The following DCLK2 variants were observed in gnomAD, a reference collection of about 807,000 sequenced individuals.
DCLK2 encodes doublecortin like kinase 2, also known as serine/threonine-protein kinase DCLK2.
In DCLK2, 31 loss-of-function variants were observed where a neutral mutation model predicts 78.4. The observed-to-expected ratio is 0.40, with a 90% confidence interval of 0.30 to 0.53. The LOEUF (loss-of-function observed/expected upper bound fraction) is 0.53. Ranked by LOEUF, DCLK2 falls within the 20% of genes least tolerant of loss-of-function variation. DCLK2 has a pLI of 0.61. For synonymous variants in DCLK2, 407 were observed against 374.9 expected, an observed-to-expected ratio of 1.09 and a Z score of -0.99; for missense variants, 872 against 973.7, an observed-to-expected ratio of 0.90 and a Z score of 1.39.
chr4:150,226,566 G>T (rs567638440), intron 8 of DCLK2, among the ~76,000 whole-genome samples: 1 of 151,860 alleles, frequency 6.6e-6, no homozygotes, highest in African/African-American at 2.4e-5. Context: ...TATGGTTTAC[G>T]TGATTAAAAT....
At chr4:150,200,128 A>G (rs1210961193) in intron 4 of DCLK2, among the ~76,000 whole-genome samples, 3 of 152,252 alleles carry the variant, frequency 2.0e-5, no homozygotes, top group Non-Finnish European at 4.4e-5. Flanking sequence ...AACTAAAAAC[A>G]TGTCTCATAG....
intron 1 of DCLK2, among the ~76,000 whole-genome samples, chr4:150,080,379 A>G (rs149217007): frequency 6.6e-6 from 1 of 152,280 alleles, no homozygotes; most frequent in East Asian, 1.9e-4. Context: ...TGCAATACGT[A>G]TGCCTCATCC....
intron 2 of DCLK2, among the ~76,000 whole-genome samples, chr4:150,147,358 G>A (rs1734556603): frequency 6.6e-6 from 1 of 152,090 alleles, no homozygotes; most frequent in Admixed American, 6.6e-5. Flanking sequence ...GGCAGCAAGT[G>A]GGAACTGATA....
chr4:150,241,333 C>T (rs574734526), intron 12 of DCLK2, among the ~76,000 whole-genome samples: 1 of 152,292 alleles, frequency 6.6e-6, no homozygotes, highest in Admixed American at 6.5e-5. Flanking sequence ...GGAGCACACT[C>T]ATTGGCCTGG....
intron 1 of DCLK2, among the ~76,000 whole-genome samples, chr4:150,096,904 G>A (rs1730505771): frequency 6.6e-6 from 1 of 152,122 alleles, no homozygotes; most frequent in Non-Finnish European, 1.5e-5. Context: ...TAGAGTGAAT[G>A]GGGTGGGGCT....
chr4:150,127,415 C>G (rs1580553219), intron 2 of DCLK2, among the ~76,000 whole-genome samples: 1 of 152,174 alleles, frequency 6.6e-6, no homozygotes, highest in East Asian at 1.9e-4. Flanking sequence ...CTTACTTATT[C>G]AATTATTTAT....
chr4:150,248,136 T>C (rs570366175), intron 13 of DCLK2, among the ~76,000 whole-genome samples, 169 bp from the exon 14 acceptor site: 1 of 152,366 alleles, frequency 6.6e-6, no homozygotes, highest in East Asian at 1.9e-4. Flanking sequence ...TCTTTTGCAC[T>C]GCTTATAAGG....
chr4:150,119,422 T>C (rs1335901539), intron 2 of DCLK2, among the ~76,000 whole-genome samples: 2 of 152,212 alleles, frequency 1.3e-5, no homozygotes, highest in East Asian at 3.9e-4. Flanking sequence ...TGAGAGATAC[T>C]ATCAAAGCTG....
In DCLK2 at chr4:150,256,250, C is replaced by CTCCT. The variant is rs1446674623; in HGVS notation, c.*4_*7dup. 8 of 1,506,064 alleles carry CTCCT rather than the reference C, an allele frequency of 5.3e-6. No homozygotes were observed. The East Asian group carries it at 1.5e-4, about 28-fold the overall frequency. 93.3% of individuals were successfully genotyped at this position (1,506,064 alleles called of 1,614,324 possible). ...CCTGGCGCCGCCACCGAGACTGAGC[C>CTCCT]TCCTGCAGACGGGCGAAGCCGCCTG... On this transcript the variant is annotated 3_prime_UTR_variant, in exon 16 of 16. Transcript: ENST00000296550.
intron 1 of DCLK2, among the ~76,000 whole-genome samples, chr4:150,085,003 A>G (rs959760961): frequency 1.3e-5 from 2 of 152,232 alleles, no homozygotes; most frequent in African/African-American, 4.8e-5. Context: ...GGTACTTTAC[A>G]TATTTCATCT....
intron 2 of DCLK2, among the ~76,000 whole-genome samples, chr4:150,105,590 T>G (rs920464129): frequency 1.3e-5 from 2 of 152,086 alleles, no homozygotes; most frequent in African/African-American, 4.8e-5. Context: ...CAGATGTTCT[T>G]ACTATTTGAA....
At chr4:150,166,477 G>C (rs1736089460) in intron 2 of DCLK2, among the ~76,000 whole-genome samples, 1 of 152,060 alleles carries the variant, frequency 6.6e-6, no homozygotes, top group South Asian at 2.1e-4. Context: ...CTGAGTGACA[G>C]AGTGAGACCC....
intron 2 of DCLK2, among the ~76,000 whole-genome samples, chr4:150,148,814 C>G (rs888415973): frequency 6.6e-6 from 1 of 151,708 alleles, no homozygotes; most frequent in Non-Finnish European, 1.5e-5. Flanking sequence ...GGGCAGATCA[C>G]TTGAGGTCAG....
chr4:150,146,202 T>C (rs1316683321), intron 2 of DCLK2, among the ~76,000 whole-genome samples: 1 of 152,232 alleles, frequency 6.6e-6, no homozygotes, highest in Non-Finnish European at 1.5e-5. Flanking sequence ...GCATGTGTTT[T>C]ACTTATTTAT....
At chr4:150,153,239 T>A (rs1285393005) in intron 2 of DCLK2, among the ~76,000 whole-genome samples, 1 of 152,136 alleles carries the variant, frequency 6.6e-6, no homozygotes, top group African/African-American at 2.4e-5. Context: ...ACAGGATGAA[T>A]CTTTTAAGGG....
At chr4:150,163,172 C>T (rs1257834098) in intron 2 of DCLK2, among the ~76,000 whole-genome samples, 1 of 152,030 alleles carries the variant, frequency 6.6e-6, no homozygotes, top group Non-Finnish European at 1.5e-5. Context: ...CTGAGACAGG[C>T]AGATCTCCTG....
At chr4:150,155,963 C>T (rs972418194) in intron 2 of DCLK2, among the ~76,000 whole-genome samples, 1 of 151,960 alleles carries the variant, frequency 6.6e-6, no homozygotes, top group East Asian at 1.9e-4. Flanking sequence ...AGGGAGGAAG[C>T]TAGGTGGGAG....
chr4:150,119,125 T>C (rs1305097243), intron 2 of DCLK2, among the ~76,000 whole-genome samples: 1 of 152,126 alleles, frequency 6.6e-6, no homozygotes, highest in Non-Finnish European at 1.5e-5. Flanking sequence ...AGCATGGTTT[T>C]TCCATGTAAT....
intron 1 of DCLK2, among the ~76,000 whole-genome samples, chr4:150,086,506 A>ATTTTTTTTTTTTTTTTTT (rs10539678): frequency 6.8e-6 from 1 of 147,402 alleles, no homozygotes. Context: ...GATTCTTTTT[A>ATTTTTTTTTTTTTTTTTT]TTTTTTTTTT....
Sources: allele counts gnomAD v4.1 joint callset (sites outside exome capture counted in the v4.1 genomes callset), GRCh38; gene constraint gnomAD v4.1.1; transcripts MANE v1.5; gene names NCBI Gene and HGNC (gene_info 2026-07-23, HGNC 2026-07-21).